The following RDH10 variants were observed in gnomAD, a reference collection of about 807,000 sequenced individuals.
RDH10 encodes the protein retinol dehydrogenase 10, also known as retinol dehydrogenase 10 (all-trans).
RDH10 carries 12 observed loss-of-function variants against 30.2 expected under a neutral mutation model. The observed-to-expected ratio is 0.40, with a 90% CI of 0.25 to 0.64. The LOEUF (loss-of-function observed/expected upper bound fraction) is 0.64, where lower values mean the gene tolerates loss of function less well. Ranked by LOEUF, RDH10 falls within the 30% of genes least tolerant of loss-of-function variation. RDH10 has a pLI of 0.43. For missense variants in RDH10, 268 were observed against 445.2 expected (o/e 0.60, Z 3.58); for synonymous variants, 189 against 172.2 (o/e 1.10, Z -0.76).
rs946629579 is a variant in RDH10 at position 73,321,684 on chromosome 8, A to T, written c.770+607A>T. On this transcript the variant is annotated intron_variant, in intron 4 of 5. Coordinates refer to ENST00000240285, the MANE Select transcript of RDH10 (RefSeq NM_172037.5). Reference sequence around the variant, plus strand: ...GTCAAGTTACATCTGACTTGAGCTCAGCAGAATAAACAAAACTGTGAATCA... The same window carrying T: ...GTCAAGTTACATCTGACTTGAGCTCTGCAGAATAAACAAAACTGTGAATCA... 3 of 401,626 alleles carry T rather than the reference A, an allele frequency of 7.5e-6. No individual in the cohort carries two copies. The Admixed American group carries it at 8.2e-5, about 11-fold the overall frequency. 24.9% of individuals were successfully genotyped at this position (401,626 alleles called of 1,614,324 possible). A position where few individuals can be genotyped will look rare whatever the true frequency, so the allele number is the denominator to read the frequency against.
chr8:73,318,974 A>G, intron 2 of RDH10, 122 bp from the exon 3 acceptor site: 1 of 637,926 alleles, frequency 1.6e-6, no homozygotes, highest in Non-Finnish European at 2.7e-6. Context: ...AATATAAAAT[A>G]TTTTTAAAGG....
rs1314302476 is a variant in RDH10 at position 73,324,616 on chromosome 8, G to A, written c.*1580G>A. On this transcript the variant is annotated 3_prime_UTR_variant, in exon 6 of 6. Coordinates refer to ENST00000240285, the MANE Select transcript of RDH10 (RefSeq NM_172037.5). ...GCAGTGTTGTAAGGAAAATTATTGT[G>A]TTTTTTTTTATGATCATTATCCCAC... The A allele has an allele frequency of 1.3e-5, 2 of 150,872 alleles. No individual in the cohort carries two copies. Among genetic ancestry groups the A allele is most frequent in the East Asian group, 3.9e-4 (2 of 5,174 alleles). 9.3% of individuals were successfully genotyped at this position (150,872 alleles called of 1,614,324 possible).
intron 2 of RDH10, among the ~76,000 whole-genome samples, chr8:73,316,574 G>A (rs1418117057): frequency 6.6e-6 from 1 of 152,246 alleles, no homozygotes; most frequent in Middle Eastern, 3.4e-3. Flanking sequence ...GTGTACTTGG[G>A]CAATGCAGTA....
intron 3 of RDH10, among the ~76,000 whole-genome samples, chr8:73,319,879 T>C (rs1390435375): frequency 1.3e-5 from 2 of 152,252 alleles, no homozygotes; most frequent in African/African-American, 4.8e-5. Flanking sequence ...CTTCACGATA[T>C]TCAGATTATA....
intron 5 of RDH10, 26 bp from the exon 6 acceptor site, chr8:73,322,887 T>A: frequency 6.2e-7 from 1 of 1,614,080 alleles, no homozygotes; most frequent in Non-Finnish European, 8.5e-7. Flanking sequence ...TCAAGTTTGC[T>A]AACAGCTGTG....
At chr8:73,298,540 A>G (rs201266815) in intron 2 of RDH10, among the ~76,000 whole-genome samples, 2 of 123,702 alleles carry the variant, frequency 1.6e-5, no homozygotes, top group African/African-American at 5.4e-5. Flanking sequence ...TTATTTATTT[A>G]TTTTTCGAGA....
chr8:73,314,533 G>A lies in RDH10; in HGVS notation c.526-4563G>A, dbSNP rs537390783. ...TCAGTCACGTGTACTGGGCTCCAGC[G>A]GGAACCTGAGCACAGGCTTAAAAGA... On this transcript the variant is annotated intron_variant, in intron 2 of 5. Transcript: ENST00000240285. Among the ~76,000 whole-genome samples the A allele has an allele frequency of 7.2e-5, 11 of 152,300 alleles. No individual in the cohort carries two copies. The East Asian group carries it at 1.3e-3, about 19-fold the overall frequency.
In RDH10 at chr8:73,295,087, C is replaced by G; in HGVS notation, c.-203C>G. 1 of 356,730 alleles carries G rather than the reference C, an allele frequency of 2.8e-6. No homozygotes were observed. Among genetic ancestry groups the G allele is most frequent in the Non-Finnish European group, 4.9e-6 (1 of 205,758 alleles). 22.1% of individuals were successfully genotyped at this position (356,730 alleles called of 1,614,324 possible). A position where few individuals can be genotyped will look rare whatever the true frequency, so the allele number is the denominator to read the frequency against. On this transcript the variant is annotated 5_prime_UTR_variant, in exon 1 of 6. Transcript: ENST00000240285. ...CGGGCACAGTCCGGGGCCACAGCGCCGAGCCCGGGCGGGAGTGGCCCCGCG... is the reference window on the plus strand; with the variant it reads ...CGGGCACAGTCCGGGGCCACAGCGCGGAGCCCGGGCGGGAGTGGCCCCGCG...
chr8:73,299,277 A>G (rs1814335905), intron 2 of RDH10, among the ~76,000 whole-genome samples: 1 of 152,190 alleles, frequency 6.6e-6, no homozygotes, highest in Non-Finnish European at 1.5e-5. Flanking sequence ...GGGGAACTGA[A>G]TTAAAGTCCT....
intron 4 of RDH10, chr8:73,321,957 T>C (rs780334217): frequency 4.4e-5 from 20 of 456,324 alleles, no homozygotes; most frequent in Middle Eastern, 3.3e-4. Flanking sequence ...TGTGTCTGTG[T>C]GAACATGTGT....
chr8:73,322,988 T>C lies in RDH10; in HGVS notation c.978T>C (p.Ala326=). ...ACAAGTGTATGTACCCCTTTATTGC[T>C]CAAAGAAAGCAAGCCACAAACAATA... ...GADKCMYPFI[A]QRKQATNNNE... The change falls in exon 6 of 6, where the codon GCT becomes GCC. Residue 326 remains alanine, a synonymous_variant. Coordinates refer to ENST00000240285, the MANE Select transcript of RDH10 (RefSeq NM_172037.5). The C allele has an allele frequency of 1.2e-6, 2 of 1,613,716 alleles. No individual in the cohort carries two copies. Among genetic ancestry groups the C allele is most frequent in the Non-Finnish European group, 1.7e-6 (2 of 1,179,754 alleles).
At chr8:73,301,001 A>G in intron 2 of RDH10, among the ~76,000 whole-genome samples, 1 of 144,906 alleles carries the variant, frequency 6.9e-6, no homozygotes, top group Non-Finnish European at 1.5e-5. Context: ...AGTTTATTAT[A>G]TACATCTTTC....
chr8:73,295,690 G>T, intron 1 of RDH10, 112 bp downstream of exon 1: 1 of 1,126,364 alleles, frequency 8.9e-7, no homozygotes, highest in Non-Finnish European at 1.2e-6. Flanking sequence ...TGGAGGAAAG[G>T]AACACCCCAC....
chr8:73,322,072 G>A (rs757606788), intron 4 of RDH10: 54 of 444,834 alleles, frequency 1.2e-4, no homozygotes, highest in South Asian at 8.5e-4. Context: ...ATAGCAGCAG[G>A]TGCAGGGGTC....
intron 1 of RDH10, 145 bp from the exon 2 acceptor site, chr8:73,297,049 G>A (rs1476314850): frequency 6.3e-6 from 4 of 631,200 alleles, no homozygotes; most frequent in African/African-American, 5.5e-5. Flanking sequence ...TCAGTCGTTG[G>A]CAAGCCTTGC....
At chr8:73,303,699 T>C (rs1469125858) in intron 2 of RDH10, among the ~76,000 whole-genome samples, 1 of 152,228 alleles carries the variant, frequency 6.6e-6, no homozygotes, top group Non-Finnish European at 1.5e-5. Context: ...AACATCTCTT[T>C]TGATAGGAAC....
At position 73,297,249 on chromosome 8, in the gene RDH10, C is replaced by T. The variant is rs763855619; in HGVS notation, c.345C>T (p.Tyr115=). 6.2e-7 allele frequency: 1 copy of T among 1,614,048 alleles called. No individual in the cohort carries two copies. The highest frequency in any genetic ancestry group is 2.2e-5 in the East Asian group (1 of 44,886). Residue 115 remains tyrosine, a synonymous_variant, in exon 2 of 6, where the codon TAC becomes TAT. Coordinates refer to ENST00000240285, the MANE Select transcript of RDH10 (RefSeq NM_172037.5). ...LPHCNLQVFT[Y]TCDVGKRENV... The stretch of plus-strand genomic sequence containing the variant: ...ACTGTAACTTGCAGGTTTTTACCTA[C>T]ACCTGTGACGTGGGGAAGAGGGAGA...
At chr8:73,306,041 A>G (rs1308464237) in intron 2 of RDH10, among the ~76,000 whole-genome samples, 1 of 152,248 alleles carries the variant, frequency 6.6e-6, no homozygotes, top group African/African-American at 2.4e-5. Context: ...ATAATTGGAA[A>G]ATAACTCAGA....
intron 2 of RDH10, chr8:73,315,647 A>G (rs1332813630): frequency 2.2e-6 from 1 of 452,742 alleles, no homozygotes; most frequent in Non-Finnish European, 4.4e-6. Flanking sequence ...GGAAGTCATT[A>G]CAGCCAACCT....
Sources: allele counts gnomAD v4.1 joint callset (sites outside exome capture counted in the v4.1 genomes callset), GRCh38; gene constraint gnomAD v4.1.1; transcripts MANE v1.5; gene names NCBI Gene and HGNC (gene_info 2026-07-23, HGNC 2026-07-21).